ZNF577: variants seen among roughly 807,000 people sequenced by gnomAD.
ZNF577 encodes the protein zinc finger protein 577.
Under a neutral mutation model 13.9 loss-of-function variants are expected in ZNF577, and 14 were observed. That is an observed-to-expected ratio of 1.00 (90% CI 0.66 to 1.57). ZNF577 has a LOEUF of 1.57. Ranked by LOEUF, ZNF577 falls within the 40% of genes most tolerant of loss-of-function variation. ZNF577 has a pLI of 0.00. For missense variants in ZNF577, 555 were observed against 579.2 expected (o/e 0.96, Z 0.43); for synonymous variants, 203 against 202.9 (o/e 1.00, Z 0.00).
intron 5 of ZNF577, among the ~76,000 whole-genome samples, chr19:51,859,765 A>G (rs190598849): frequency 1.3e-5 from 2 of 152,234 alleles, no homozygotes; most frequent in Admixed American, 1.3e-4. Context: ...ATTCATAAGA[A>G]AAAAACATTT....
chr19:51,858,704 C>A (rs1357064598), intron 5 of ZNF577, among the ~76,000 whole-genome samples: 1 of 151,894 alleles, frequency 6.6e-6, no homozygotes, highest in Non-Finnish European at 1.5e-5. Flanking sequence ...AAAAAAAAAC[C>A]TTGCTTTTTA....
At position 51,880,345 on chromosome 19, in the gene ZNF577, T is replaced by C. The variant is rs773538969; in HGVS notation, c.38A>G (p.Glu13Gly). 49 of 1,614,000 alleles carry C rather than the reference T, an allele frequency of 3.0e-5. No individual in the cohort carries two copies. Among genetic ancestry groups the C allele is most frequent in the Non-Finnish European group, 3.8e-5 (45 of 1,180,030 alleles). ...TACCTCCCCTGAAGAACTGCCTTGC[T>C]CTCTCCTCACAGACATTACAATCGT... is the stretch of plus-strand genomic sequence containing the variant. Reference protein sequence around the residue: ...NATIVMSVRREQGSSSGEGSL... With the variant: ...NATIVMSVRRGQGSSSGEGSL... Residue 13 changes from glutamate to glycine, a missense_variant, in exon 3 of 6, where the codon GAG becomes GGG. Coordinates refer to ENST00000638348, the MANE Select transcript of ZNF577 (RefSeq NM_001370449.1).
At chr19:51,856,620 G>C (rs915374190) in intron 5 of ZNF577, among the ~76,000 whole-genome samples, 3 of 152,120 alleles carry the variant, frequency 2.0e-5, no homozygotes, top group Non-Finnish European at 4.4e-5. Flanking sequence ...ACATACCCTT[G>C]CTTTCTTAAG....
At chr19:51,833,113 A>G (rs1267330647) in intron 9 of ZNF577, among the ~76,000 whole-genome samples, 1 of 151,986 alleles carries the variant, frequency 6.6e-6, no homozygotes, top group Non-Finnish European at 1.5e-5. Flanking sequence ...TGTCTGCAGT[A>G]CTCTCTTATT....
intron 10 of ZNF577, among the ~76,000 whole-genome samples, chr19:51,808,335 G>T (rs1176802361): frequency 6.6e-6 from 1 of 152,192 alleles, no homozygotes; most frequent in African/African-American, 2.4e-5. Flanking sequence ...TTGGTATGGG[G>T]AAGTTGTTTG....
chr19:51,881,714 C>T (rs927185597), intron 1 of ZNF577, among the ~76,000 whole-genome samples: 1 of 152,186 alleles, frequency 6.6e-6, no homozygotes, highest in African/African-American at 2.4e-5. Context: ...ATAGTCACAG[C>T]TACACAAACA....
intron 5 of ZNF577, chr19:51,860,201 A>T (rs1360173982): frequency 6.6e-6 from 1 of 152,234 alleles, no homozygotes; most frequent in Non-Finnish European, 1.5e-5. Flanking sequence ...TAGGATGTGA[A>T]GAAGTGAATC....
intron 1 of ZNF577, among the ~76,000 whole-genome samples, chr19:51,881,130 T>C (rs1245597057): frequency 2.0e-5 from 3 of 152,178 alleles, no homozygotes; most frequent in Admixed American, 2.0e-4. Flanking sequence ...AAACCACCTA[T>C]GGTCTTGTCC....
intron 5 of ZNF577, among the ~76,000 whole-genome samples, chr19:51,847,353 G>A (rs752907257): frequency 2.0e-5 from 3 of 152,048 alleles, no homozygotes; most frequent in Admixed American, 6.6e-5. Flanking sequence ...AGCCTCTCCC[G>A]TCGATGTCCG....
At chr19:51,822,875 G>A (rs557938293) in intron 9 of ZNF577, among the ~76,000 whole-genome samples, 1 of 151,084 alleles carries the variant, frequency 6.6e-6, no homozygotes, top group Admixed American at 6.6e-5. Context: ...CTTTTTTTTT[G>A]TGGGGGGAAA....
At chr19:51,851,500 G>C (rs1056745807) in intron 5 of ZNF577, among the ~76,000 whole-genome samples, 1 of 152,054 alleles carries the variant, frequency 6.6e-6, no homozygotes, top group Non-Finnish European at 1.5e-5. Flanking sequence ...TTTCCCATAC[G>C]TTGAAAATTC....
chr19:51,834,517 G>A (rs1251994425), intron 9 of ZNF577, among the ~76,000 whole-genome samples: 1 of 152,062 alleles, frequency 6.6e-6, no homozygotes, highest in African/African-American at 2.4e-5. Flanking sequence ...TTAAAAACCA[G>A]CAATAACAAC....
chr19:51,853,600 G>A (rs1009282672), intron 5 of ZNF577, among the ~76,000 whole-genome samples: 1 of 152,186 alleles, frequency 6.6e-6, no homozygotes, highest in African/African-American at 2.4e-5. Flanking sequence ...TAACTGTACG[G>A]GAGTCTATGT....
intron 2 of ZNF577, 72 bp from the exon 3 acceptor site, chr19:51,880,473 T>G (rs562741545): frequency 4.4e-6 from 6 of 1,359,554 alleles, no homozygotes; most frequent in South Asian, 2.4e-5. Flanking sequence ...TTAGCTATGT[T>G]CCGACATTAA....
At chr19:51,863,150 G>A (rs2084522192), downstream of ZNF577, 1 of 152,204 alleles carries the variant, frequency 6.6e-6, no homozygotes, top group Admixed American at 6.5e-5. Flanking sequence ...CTAAAATCAT[G>A]AGATTCCTGG....
chr19:51,856,249 T>C (rs11671807), intron 5 of ZNF577, among the ~76,000 whole-genome samples: 50,390 of 152,054 alleles, frequency 0.33, 8,691 homozygotes, highest in South Asian at 0.53. Context: ...TACAAGTAAA[T>C]ACCCTAAGTC....
intron 1 of ZNF577, among the ~76,000 whole-genome samples, chr19:51,885,533 TG>T (rs1245948732): frequency 1.3e-5 from 2 of 152,166 alleles, no homozygotes; most frequent in Admixed American, 6.5e-5. Flanking sequence ...TTTTTTGAGA[TG>T]GAGTTTCATT....
intron 5 of ZNF577, among the ~76,000 whole-genome samples, chr19:51,846,866 C>T (rs1395921533): frequency 6.6e-6 from 1 of 152,180 alleles, no homozygotes; most frequent in Non-Finnish European, 1.5e-5. Context: ...AAACAAGTTT[C>T]TCTTGTTTAA....
chr19:51,851,288 C>G (rs987419350), intron 5 of ZNF577, among the ~76,000 whole-genome samples: 4 of 152,092 alleles, frequency 2.6e-5, no homozygotes, highest in African/African-American at 9.7e-5. Flanking sequence ...AATGGAAAAG[C>G]TGAAACTTGT....
Sources: allele counts gnomAD v4.1 joint callset (sites outside exome capture counted in the v4.1 genomes callset), GRCh38; gene constraint gnomAD v4.1.1; transcripts MANE v1.5; gene names NCBI Gene and HGNC (gene_info 2026-07-23, HGNC 2026-07-21).